MAOA: variants seen among roughly 807,000 people sequenced by gnomAD.
MAOA encodes the protein amine oxidase [flavin-containing] A.
Under a neutral mutation model 42.0 loss-of-function variants are expected in MAOA, and 6 were observed. That is an observed-to-expected ratio of 0.14 (90% confidence interval 0.08 to 0.28). The LOEUF (loss-of-function observed/expected upper bound fraction) is 0.28. Ranked by LOEUF, MAOA falls within the 10% of genes least tolerant of loss-of-function variation. MAOA has a pLI of 1.00. For missense variants in MAOA, 262 were observed against 422.3 expected (o/e 0.62, Z 3.33); for synonymous variants, 140 against 154.0 (o/e 0.91, Z 0.67).
chrX:43,656,071 T>C (rs1412658883), upstream of MAOA: 5 of 393,405 alleles, frequency 1.3e-5, no homozygotes, highest in East Asian at 2.2e-4. Context: ...CTAAACCTAA[T>C]AACTCTCGCC....
chrX:43,692,183 T>C (rs2033541668), intron 2 of MAOA, among the ~76,000 whole-genome samples: 1 of 110,862 alleles, frequency 9.0e-6, no homozygotes, highest in Non-Finnish European at 1.9e-5. Context: ...TCCCGAAGGC[T>C]GAGCAGTGCT....
chrX:43,711,741 T>C, intron 3 of MAOA, 131 bp from the exon 4 acceptor site: 1 of 513,504 alleles, frequency 1.9e-6, no homozygotes, highest in East Asian at 3.4e-5. Context: ...TCAAAGGTAA[T>C]GTTTCTGACA....
intron 5 of MAOA, among the ~76,000 whole-genome samples, chrX:43,722,872 A>G (rs2033802349): frequency 8.9e-6 from 1 of 111,943 alleles, no homozygotes; most frequent in South Asian, 3.7e-4. Flanking sequence ...TATAAAGTGT[A>G]AGGAAGGGAT....
intron 5 of MAOA, among the ~76,000 whole-genome samples, chrX:43,720,493 G>T (rs2033780465): frequency 9.1e-6 from 1 of 110,112 alleles, no homozygotes; most frequent in South Asian, 4.0e-4. Flanking sequence ...TGGGAATGGG[G>T]GAAACAGGAA....
chrX:43,740,393 C>T (rs1453932242), intron 10 of MAOA, among the ~76,000 whole-genome samples: 6 of 110,817 alleles, frequency 5.4e-5, no homozygotes, highest in Admixed American at 1.9e-4. Context: ...ATTTTTATCT[C>T]GAGAAGATAT....
At position 43,693,420 on chromosome X, in the gene MAOA, T is replaced by C. The variant is rs1202580246; in HGVS notation, c.298T>C (p.Tyr100His). Residue 100 changes from tyrosine to histidine, a missense_variant, in exon 3 of 15, where the codon TAT (tyrosine) becomes CAT (histidine). Physicochemically the swap from Tyr to His is moderately conservative, Grantham distance 83. Coordinates refer to ENST00000338702, the MANE Select transcript of MAOA (RefSeq NM_000240.4). ...GAATGTCAGTGAGCGTCTCGTTCAA[T>C]ATGTCAAGGTAAGGCTGACTTTTCA... ...KVNVSERLVQ[Y>H]VKGKTYPFRG... 1 of 1,208,965 alleles carries C rather than the reference T, an allele frequency of 8.3e-7. No homozygotes were observed. The highest frequency in any genetic ancestry group is 3.0e-5 in the East Asian group (1 of 33,753).
chrX:43,675,956 C>A (rs1198295196), intron 1 of MAOA, among the ~76,000 whole-genome samples: 2 of 112,026 alleles, frequency 1.8e-5, no homozygotes, highest in African/African-American at 6.5e-5. Flanking sequence ...GCTGGGAGAA[C>A]CCCTACTCTC....
chrX:43,692,000 G>GACACACACACACACACACACAC (rs753022851), intron 2 of MAOA, among the ~76,000 whole-genome samples: 2 of 65,012 alleles, frequency 3.1e-5, no homozygotes, highest in Admixed American at 2.0e-4. Flanking sequence ...GCACTGTATA[G>GACACACACACACACACACACAC]ACACACACAC....
In MAOA at chrX:43,701,422, A is replaced by T. The variant is rs1003117308; in HGVS notation, c.306+7994A>T. 5.4e-5 allele frequency among the ~76,000 whole-genome samples: 6 copies of T among 112,005 alleles called. No homozygotes were observed. The Admixed American group carries it at 5.7e-4, about 11-fold the overall frequency. On this transcript the variant is annotated intron_variant, in intron 3 of 14. Coordinates refer to ENST00000338702, the MANE Select transcript of MAOA (RefSeq NM_000240.4). ...TAGATTTTTTTCTTAAAAAATGGTAAAGTACACTAACATAAAATTTATCAT... is the reference window on the plus strand; with the variant it reads ...TAGATTTTTTTCTTAAAAAATGGTATAGTACACTAACATAAAATTTATCAT...
chrX:43,693,457 G>A, intron 3 of MAOA, 29 bp downstream of exon 3: 1 of 1,197,116 alleles, frequency 8.4e-7, no homozygotes, highest in Non-Finnish European at 1.1e-6. Context: ...CCAAGTGACT[G>A]ATAGGGAAGC....
At chrX:43,723,980 G>A (rs144718408) in intron 5 of MAOA, among the ~76,000 whole-genome samples, 1,607 of 111,155 alleles carry the variant, frequency 0.014, 29 homozygotes, top group African/African-American at 0.05. Flanking sequence ...GACGGATTAC[G>A]TTTATTGATT....
intron 5 of MAOA, among the ~76,000 whole-genome samples, chrX:43,714,331 G>T (rs1160387144): frequency 9.0e-6 from 1 of 111,185 alleles, no homozygotes; most frequent in Non-Finnish European, 1.9e-5. Flanking sequence ...GATGGGGCAG[G>T]AAGATAGTAT....
intron 2 of MAOA, among the ~76,000 whole-genome samples, chrX:43,689,099 A>C (rs1490197924): frequency 2.7e-5 from 3 of 109,838 alleles, no homozygotes; most frequent in Admixed American, 9.7e-5. Context: ...ATTTATTTTG[A>C]GACAGAGTCT....
chrX:43,723,126 C>T (rs1199009883), intron 5 of MAOA, among the ~76,000 whole-genome samples: 1 of 111,651 alleles, frequency 9.0e-6, no homozygotes, highest in Non-Finnish European at 1.9e-5. Flanking sequence ...TAACGTGATG[C>T]CTCCAGCTTT....
intron 1 of MAOA, among the ~76,000 whole-genome samples, chrX:43,679,312 GTTTA>G (rs2033424769): frequency 9.2e-6 from 1 of 109,062 alleles, no homozygotes; most frequent in African/African-American, 3.3e-5. Flanking sequence ...CCTGAGTAGT[GTTTA>G]TTTATTATTG....
At chrX:43,731,554 G>A (rs1328174345) in intron 7 of MAOA, 140 bp from the exon 8 acceptor site, 3 of 844,548 alleles carry the variant, frequency 3.6e-6, no homozygotes, top group East Asian at 3.4e-5. Context: ...CTGTTTTGTT[G>A]CCTCACAGTT....
chrX:43,659,547 G>C (rs2033215933), intron 1 of MAOA, among the ~76,000 whole-genome samples: 1 of 110,884 alleles, frequency 9.0e-6, no homozygotes, highest in Non-Finnish European at 1.9e-5. Flanking sequence ...TGGGGCTCTT[G>C]GTACTCTCTC....
chrX:43,706,438 C>A (rs1194433445), intron 3 of MAOA, among the ~76,000 whole-genome samples: 3 of 111,037 alleles, frequency 2.7e-5, no homozygotes, highest in Non-Finnish European at 5.7e-5. Flanking sequence ...TTTGTAATTT[C>A]TGTATATAAC....
chrX:43,737,628 C>G (rs938647981), intron 10 of MAOA, among the ~76,000 whole-genome samples: 1 of 111,407 alleles, frequency 9.0e-6, no homozygotes, highest in Non-Finnish European at 1.9e-5. Flanking sequence ...CTAGTTCCCT[C>G]CAGCCCATTT....
Sources: allele counts gnomAD v4.1 joint callset (sites outside exome capture counted in the v4.1 genomes callset), GRCh38; gene constraint gnomAD v4.1.1; transcripts MANE v1.5; gene names NCBI Gene and HGNC (gene_info 2026-07-23, HGNC 2026-07-21).